Variants in GRIA4 observed in about 807,000 individuals in gnomAD.
The protein encoded by GRIA4 is glutamate ionotropic receptor AMPA type subunit 4, also known as glutamate receptor 4.
In GRIA4, 34 loss-of-function variants were observed where a neutral mutation model predicts 104.0. The ratio of observed to expected loss-of-function variants is 0.33; its 90% CI spans 0.25 to 0.44. The LOEUF is 0.44. GRIA4 is among the 20% of genes least tolerant of loss of function. The pLI, the probability that GRIA4 is intolerant of heterozygous loss-of-function variation, is 1.00. For missense variants in GRIA4, 750 were observed against 1,096.5 expected (o/e 0.68, Z 4.46); for synonymous variants, 386 against 381.9 (o/e 1.01, Z -0.13).
At chr11:105,850,614 C>A (rs1000982630) in intron 4 of GRIA4, among the ~76,000 whole-genome samples, 1 of 152,130 alleles carries the variant, frequency 6.6e-6, no homozygotes, top group Non-Finnish European at 1.5e-5. Context: ...GACCACAGGG[C>A]AGCACTCACA....
chr11:105,815,993 A>G (rs1476452145), intron 4 of GRIA4, among the ~76,000 whole-genome samples: 3 of 152,118 alleles, frequency 2.0e-5, no homozygotes, highest in African/African-American at 7.2e-5. Flanking sequence ...AATGCTTACC[A>G]TGCTTTTGAC....
chr11:105,872,151 T>C (rs949555156), intron 5 of GRIA4, among the ~76,000 whole-genome samples: 1 of 152,054 alleles, frequency 6.6e-6, no homozygotes, highest in African/African-American at 2.4e-5. Flanking sequence ...AAGAAACCTC[T>C]TAAACCTTAT....
chr11:105,803,372 G>T (rs989988567), intron 4 of GRIA4, among the ~76,000 whole-genome samples: 2 of 151,998 alleles, frequency 1.3e-5, no homozygotes, highest in Admixed American at 1.3e-4. Flanking sequence ...CTTGGCTAAT[G>T]ATATATTGAT....
chr11:105,875,141 C>T (rs948355482), intron 5 of GRIA4, among the ~76,000 whole-genome samples: 2 of 152,192 alleles, frequency 1.3e-5, no homozygotes, highest in East Asian at 1.9e-4. Flanking sequence ...TGAATTTTAC[C>T]GAAGGGCTTT....
At chr11:105,727,987 G>C (rs1938328239) in intron 3 of GRIA4, among the ~76,000 whole-genome samples, 1 of 152,132 alleles carries the variant, frequency 6.6e-6, no homozygotes, top group African/African-American at 2.4e-5. Flanking sequence ...AAAATAACGA[G>C]CTAGCATCAT....
intron 7 of GRIA4, among the ~76,000 whole-genome samples, chr11:105,901,265 C>CA (rs1007347338): frequency 7.2e-5 from 11 of 152,006 alleles, no homozygotes; most frequent in African/African-American, 9.6e-5. Context: ...ACTCCATAAC[C>CA]AAAAAAATGT....
intron 3 of GRIA4, among the ~76,000 whole-genome samples, chr11:105,714,992 G>A (rs1954042202): frequency 6.6e-6 from 1 of 152,116 alleles, no homozygotes; most frequent in Non-Finnish European, 1.5e-5. Flanking sequence ...TGAATCTACA[G>A]TCAAGGCCAG....
rs942544829 is a variant in GRIA4 at position 105,933,748 on chromosome 11, G to C, written c.2073G>C (p.Lys691Asn). The C allele has an allele frequency of 6.2e-7, 1 of 1,604,156 alleles. No homozygotes were observed. The highest frequency in any genetic ancestry group is 1.1e-5 in the South Asian group (1 of 90,164). Residue 691 changes from lysine to asparagine, a missense_variant, in exon 14 of 17, where the codon AAG (lysine) becomes AAC (asparagine). By Grantham distance (94) the Lys-to-Asn change is moderately conservative (BLOSUM62 0). Transcript: ENST00000282499. ...GATCAAAAATAGCAGTGTATGAAAA[G>C]ATGTGGACCTACATGCGATCAGCAG... is the stretch of plus-strand genomic sequence containing the variant. ...FRRSKIAVYEKMWTYMRSAEP... is the reference protein window; with the variant it reads ...FRRSKIAVYENMWTYMRSAEP...
At chr11:105,689,066 A>C (rs147017216) in intron 3 of GRIA4, among the ~76,000 whole-genome samples, 1 of 152,302 alleles carries the variant, frequency 6.6e-6, no homozygotes, top group East Asian at 1.9e-4. Context: ...GAATGTTTAC[A>C]TTTAGTCCTA....
chr11:105,704,366 T>C (rs1953616997), intron 3 of GRIA4, among the ~76,000 whole-genome samples: 1 of 151,984 alleles, frequency 6.6e-6, no homozygotes, highest in Non-Finnish European at 1.5e-5. Flanking sequence ...AGTGGTTAAG[T>C]ACATGAGAGC....
intron 4 of GRIA4, among the ~76,000 whole-genome samples, chr11:105,805,973 G>T (rs685424): frequency 0.45 from 68,054 of 151,520 alleles, 15,745 homozygotes; most frequent in Middle Eastern, 0.52. Context: ...AAACAACAAA[G>T]AACCAAAGCA....
intron 5 of GRIA4, among the ~76,000 whole-genome samples, chr11:105,882,626 G>A (rs1240884596): frequency 6.6e-6 from 1 of 152,114 alleles, no homozygotes; most frequent in Non-Finnish European, 1.5e-5. Context: ...TTAAGCAAGT[G>A]ATATCACTTC....
At chr11:105,629,410 A>G (rs570236075) in intron 3 of GRIA4, among the ~76,000 whole-genome samples, 2 of 152,192 alleles carry the variant, frequency 1.3e-5, no homozygotes, top group East Asian at 3.9e-4. Context: ...TTATATGGCT[A>G]CTAAACTCAT....
intron 5 of GRIA4, among the ~76,000 whole-genome samples, chr11:105,870,924 G>A (rs1018565061): frequency 6.6e-6 from 1 of 152,050 alleles, no homozygotes; most frequent in Non-Finnish European, 1.5e-5. Context: ...CAGTGTACCT[G>A]GTGACTAAGG....
chr11:105,872,376 A>G (rs986197103), intron 5 of GRIA4, among the ~76,000 whole-genome samples: 2 of 152,122 alleles, frequency 1.3e-5, no homozygotes, highest in Non-Finnish European at 2.9e-5. Flanking sequence ...TATTAAAAGA[A>G]GCCTCCCAGA....
chr11:105,613,072 C>T (rs1319316103), intron 3 of GRIA4: 1 of 152,198 alleles, frequency 6.6e-6, no homozygotes, highest in African/African-American at 2.4e-5. Flanking sequence ...TGAATCCTTA[C>T]CTCGATGCCA....
At chr11:105,940,783 A>C (rs1404517065) in intron 14 of GRIA4, among the ~76,000 whole-genome samples, 1 of 151,948 alleles carries the variant, frequency 6.6e-6, no homozygotes, top group Non-Finnish European at 1.5e-5. Context: ...CTCTAAAGAT[A>C]GCATCAATCA....
intron 14 of GRIA4, among the ~76,000 whole-genome samples, chr11:105,969,616 G>A (rs1345009953): frequency 1.3e-5 from 2 of 152,046 alleles, no homozygotes; most frequent in African/African-American, 2.4e-5. Context: ...AAACTTAAAG[G>A]AAACTCTCGA....
intron 3 of GRIA4, among the ~76,000 whole-genome samples, chr11:105,748,574 G>A (rs1383903419): frequency 3.3e-5 from 5 of 152,058 alleles, no homozygotes; most frequent in South Asian, 2.1e-4. Flanking sequence ...TATTAGAGAC[G>A]GGTTTTCACC....
Sources: gnomAD v4.1 joint callset for allele counts (sites outside exome capture counted in the v4.1 genomes callset) on GRCh38, gnomAD v4.1.1 for gene constraint, MANE v1.5 for transcripts, NCBI Gene and HGNC (gene_info 2026-07-23, HGNC 2026-07-21) for gene names.